Variants in FAM131C observed in about 807,000 individuals in gnomAD.
FAM131C encodes family with sequence similarity 131 member C.
FAM131C carries 14 observed loss-of-function variants against 29.8 expected under a neutral mutation model. The ratio of observed to expected loss-of-function variants is 0.47; its 90% CI spans 0.31 to 0.73. The LOEUF (loss-of-function observed/expected upper bound fraction) is 0.73. FAM131C is among the 30% of genes least tolerant of loss of function. The pLI is 0.05. For synonymous variants in FAM131C, 86 were observed against 157.8 expected, an observed-to-expected ratio of 0.54 and a Z score of 3.41; for missense variants, 252 against 383.8, an observed-to-expected ratio of 0.66 and a Z score of 2.87.
chr1:16,064,267 G>C (rs2124130064), intron 1 of FAM131C, among the ~76,000 whole-genome samples: 1 of 152,168 alleles, frequency 6.6e-6, no homozygotes, highest in Non-Finnish European at 1.5e-5. Flanking sequence ...ACACTGCTGG[G>C]GGCTTCTGCC....
chr1:16,068,894 C>T (rs567897886), intron 1 of FAM131C, among the ~76,000 whole-genome samples: 1 of 152,280 alleles, frequency 6.6e-6, no homozygotes, highest in East Asian at 1.9e-4. Flanking sequence ...GGATTAGGTA[C>T]CTCACCTGTG....
intron 1 of FAM131C, among the ~76,000 whole-genome samples, chr1:16,066,409 C>T (rs919949893): frequency 1.3e-5 from 2 of 152,300 alleles, no homozygotes; most frequent in Middle Eastern, 3.4e-3. Flanking sequence ...CTGAGCCGTG[C>T]GCCTGCACAC....
intron 1 of FAM131C, among the ~76,000 whole-genome samples, chr1:16,064,926 C>T (rs543456006): frequency 2.0e-5 from 3 of 152,242 alleles, no homozygotes; most frequent in Non-Finnish European, 4.4e-5. Flanking sequence ...CGCTCTTATC[C>T]TGGCCTCTGG....
chr1:16,065,805 A>T (rs1172527641), intron 1 of FAM131C, among the ~76,000 whole-genome samples: 3 of 152,092 alleles, frequency 2.0e-5, no homozygotes, highest in African/African-American at 7.2e-5. Flanking sequence ...CTTCCTCTGG[A>T]AGGTTCACCT....
intron 1 of FAM131C, among the ~76,000 whole-genome samples, chr1:16,066,264 G>A (rs376448290): frequency 6.6e-6 from 1 of 152,230 alleles, no homozygotes; most frequent in Non-Finnish European, 1.5e-5. Context: ...TCCACCCAAA[G>A]GTAAGCAGGT....
chr1:16,073,458 C>T lies in FAM131C; in HGVS notation c.-16G>A. On this transcript the variant is annotated 5_prime_UTR_variant, in exon 1 of 7. Transcript: ENST00000375662. ...AGGAGCCCATCACGGGGCCGCGGGG[C>T]CGGGCCGCTGCGCCCGGGGTGCGTG... 1 of 1,204,112 alleles carries T rather than the reference C, an allele frequency of 8.3e-7. No homozygotes were observed. Among genetic ancestry groups the T allele is most frequent in the Non-Finnish European group, 1.0e-6 (1 of 969,660 alleles). 74.6% of individuals were successfully genotyped at this position (1,204,112 alleles called of 1,614,324 possible).
At chr1:16,064,132 C>T (rs927314082) in intron 1 of FAM131C, among the ~76,000 whole-genome samples, 3 of 152,072 alleles carry the variant, frequency 2.0e-5, no homozygotes, top group South Asian at 4.2e-4. Flanking sequence ...CCCAGCCTCC[C>T]GTGGGACGCT....
At chr1:16,061,792 C>A (rs2023597502) in intron 4 of FAM131C, among the ~76,000 whole-genome samples, 1 of 151,672 alleles carries the variant, frequency 6.6e-6, no homozygotes, top group South Asian at 2.1e-4. Context: ...TCCAGGGAAC[C>A]TGAACTAAGG....
chr1:16,073,123 G>A (rs930066941), intron 1 of FAM131C, among the ~76,000 whole-genome samples: 2 of 152,118 alleles, frequency 1.3e-5, no homozygotes, highest in Non-Finnish European at 2.9e-5. Flanking sequence ...CCAGGCACCC[G>A]GCAGGGGGTG....
At position 16,058,114 on chromosome 1, in the gene FAM131C, G is replaced by T. The variant is rs2023512723; in HGVS notation, c.*323C>A. ...TCCATGGCTGTCCTCCTGGGGGCCTGGCTGTTGCTCCTCTGGGCCAGGCTG... is the reference window on the plus strand; with the variant it reads ...TCCATGGCTGTCCTCCTGGGGGCCTTGCTGTTGCTCCTCTGGGCCAGGCTG... On this transcript the variant is annotated 3_prime_UTR_variant, in exon 7 of 7. Transcript: ENST00000375662. The T allele has an allele frequency of 5.2e-6, 1 of 193,068 alleles. No homozygotes were observed. The highest frequency in any genetic ancestry group is 2.3e-5 in the African/African-American group (1 of 43,310). The allele number at this position is 193,068 out of a possible 1,614,324, so 12.0% of individuals were successfully genotyped here.
chr1:16,072,975 C>T (rs1259461098), intron 1 of FAM131C, among the ~76,000 whole-genome samples: 1 of 151,914 alleles, frequency 6.6e-6, no homozygotes, highest in Non-Finnish European at 1.5e-5. Flanking sequence ...ATGGGGGCAC[C>T]CGGTAAGACG....
intron 3 of FAM131C, 43 bp from the exon 4 acceptor site, chr1:16,062,235 G>C: frequency 6.3e-7 from 1 of 1,586,288 alleles, no homozygotes; most frequent in Non-Finnish European, 8.6e-7. Flanking sequence ...GGGCCAGGCT[G>C]CCGGCCGACA....
At chr1:16,063,069 C>T (rs1205358787) in intron 2 of FAM131C, among the ~76,000 whole-genome samples, 3 of 150,346 alleles carry the variant, frequency 2.0e-5, no homozygotes, top group African/African-American at 7.3e-5. Context: ...GTGACATCTT[C>T]TAAATCCATC....
At chr1:16,062,606 G>A in intron 2 of FAM131C, 72 bp from the exon 3 acceptor site, 2 of 1,510,548 alleles carry the variant, frequency 1.3e-6, no homozygotes, top group Admixed American at 2.3e-5. Context: ...GAGTCCTGGG[G>A]CCCTGGGTGG....
chr1:16,059,796 A>G, intron 5 of FAM131C, 73 bp downstream of exon 5: 3 of 1,392,822 alleles, frequency 2.2e-6, no homozygotes, highest in Non-Finnish European at 3.0e-6. Context: ...GACAATGCCC[A>G]TGCAGTGATC....
At chr1:16,066,548 C>G (rs2023685626) in intron 1 of FAM131C, among the ~76,000 whole-genome samples, 1 of 152,194 alleles carries the variant, frequency 6.6e-6, no homozygotes, top group African/African-American at 2.4e-5. Context: ...CCTTCAAAGG[C>G]AATGTTCAAA....
At chr1:16,061,002 G>A (rs1466575991) in intron 4 of FAM131C, among the ~76,000 whole-genome samples, 1 of 152,286 alleles carries the variant, frequency 6.6e-6, no homozygotes, top group South Asian at 2.1e-4. Context: ...GGAAGATGGA[G>A]AGGGGGCTGC....
intron 1 of FAM131C, among the ~76,000 whole-genome samples, chr1:16,063,855 C>T (rs913560989): frequency 1.3e-5 from 2 of 152,046 alleles, no homozygotes; most frequent in African/African-American, 4.8e-5. Context: ...TCTTTTTACT[C>T]CCTTTTCTCA....
At position 16,062,389 on chromosome 1, in the gene FAM131C, C is replaced by A. The variant is rs540435368; in HGVS notation, c.174+110G>T. Reference sequence around the variant, plus strand: ...CCCACTGTTTCATCAGGCCCCCCCCCCCCCCGCCCCAGGGCCAGCAGGACT... The same window carrying A: ...CCCACTGTTTCATCAGGCCCCCCCCACCCCCGCCCCAGGGCCAGCAGGACT... On this transcript the variant is annotated intron_variant, in intron 3 of 6. Transcript: ENST00000375662. 373 of 1,243,010 alleles carry A rather than the reference C, an allele frequency of 3.0e-4. 11 individuals carry two copies. The Admixed American group carries it at 3.5e-3, about 12-fold the overall frequency. 77.0% of individuals were successfully genotyped at this position (1,243,010 alleles called of 1,614,324 possible).
Sources: allele counts gnomAD v4.1 joint callset (sites outside exome capture counted in the v4.1 genomes callset), GRCh38; gene constraint gnomAD v4.1.1; transcripts MANE v1.5; gene names NCBI Gene and HGNC (gene_info 2026-07-23, HGNC 2026-07-21).